The following MGRN1 variants were observed in gnomAD, a reference collection of about 807,000 sequenced individuals.
The protein encoded by MGRN1 is E3 ubiquitin-protein ligase MGRN1.
MGRN1 carries 29 observed loss-of-function variants against 69.2 expected under a neutral mutation model. That is an observed-to-expected ratio of 0.42 (90% CI 0.31 to 0.57). The LOEUF is 0.57. Among genes scored for constraint, MGRN1 ranks in the 20% least tolerant of loss-of-function variants. The pLI is 0.15. For synonymous variants in MGRN1, 470 were observed against 344.2 expected (o/e 1.37, Z -4.04); for missense variants, 998 against 796.2 (o/e 1.25, Z -3.05).
intron 1 of MGRN1, among the ~76,000 whole-genome samples, chr16:4,645,347 T>G (rs112436247): frequency 5.3e-5 from 8 of 152,152 alleles, no homozygotes; most frequent in African/African-American, 1.9e-4. Flanking sequence ...TTAAGAATTT[T>G]TTGTAGAGAC....
chr16:4,675,236 G>C (rs1448557162), intron 10 of MGRN1, among the ~76,000 whole-genome samples: 1 of 152,024 alleles, frequency 6.6e-6, no homozygotes, highest in Non-Finnish European at 1.5e-5. Flanking sequence ...GCCTCCCAAA[G>C]TGCTGGGATT....
chr16:4,659,268 C>T (rs1268475284), intron 5 of MGRN1: 1 of 152,342 alleles, frequency 6.6e-6, no homozygotes, highest in South Asian at 2.1e-4. Flanking sequence ...GGCGTGGACC[C>T]TGCACCCTGC....
At chr16:4,683,123 C>A in intron 14 of MGRN1, 101 bp from the exon 15 acceptor site, 1 of 1,527,174 alleles carries the variant, frequency 6.5e-7, no homozygotes, top group Non-Finnish European at 9.0e-7. Context: ...CCTGGTGGAG[C>A]GGCTGTGCGG....
chr16:4,638,910 T>G (rs1241858767), intron 1 of MGRN1, among the ~76,000 whole-genome samples: 2 of 152,132 alleles, frequency 1.3e-5, no homozygotes, highest in African/African-American at 4.8e-5. Flanking sequence ...CCTGGGCCGC[T>G]GTGTTTCTTA....
Position 4,668,761 on chromosome 16 carries a change from T to TTC in MGRN1, c.726+450_726+451dup, listed in dbSNP as rs2078869172. Among the ~76,000 whole-genome samples the TTC allele has an allele frequency of 5.3e-5, 6 of 112,656 alleles. No homozygotes were observed. The Middle Eastern group carries it at 0.022, about 405-fold the overall frequency. The allele number at this position is 112,656 out of a possible 152,430, so 73.9% of individuals were successfully genotyped here. A position where few individuals can be genotyped will look rare whatever the true frequency, so the allele number is the denominator to read the frequency against. Reference sequence around the variant, plus strand: ...ATACTGATACACACACATATACCCATTCACACACACATAGACATTCATACA... The same window carrying TTC: ...ATACTGATACACACACATATACCCATTCTCACACACACATAGACATTCATACA... On this transcript the variant is annotated intron_variant, in intron 8 of 16. Transcript: ENST00000262370.
intron 4 of MGRN1, among the ~76,000 whole-genome samples, chr16:4,653,987 G>A (rs1397261732): frequency 6.6e-6 from 1 of 152,118 alleles, no homozygotes; most frequent in East Asian, 1.9e-4. Context: ...CTCGACCTCA[G>A]GTGATCCACC....
intron 3 of MGRN1, among the ~76,000 whole-genome samples, chr16:4,652,474 G>A (rs992193797): frequency 5.3e-5 from 8 of 152,282 alleles, no homozygotes; most frequent in African/African-American, 1.9e-4. Flanking sequence ...CACGTACCCC[G>A]TCTTCTGTGG....
rs116339772 is a variant in MGRN1 at position 4,656,339 on chromosome 16, C to G, written c.444-907C>G. On this transcript the variant is annotated intron_variant, in intron 4 of 16. Transcript: ENST00000262370. ...TGAATCAGTAAAACCAAAGCGGGAC[C>G]TGTGTGGTGGTTCACAGGACACAGC... Among the ~76,000 whole-genome samples, 73 of 152,350 alleles carry G rather than the reference C, an allele frequency of 4.8e-4. 1 individual carries two copies. The highest frequency in any genetic ancestry group is 1.5e-3 in the African/African-American group (61 of 41,578).
At chr16:4,658,219 C>T (rs188246863) in intron 5 of MGRN1, among the ~76,000 whole-genome samples, 29 of 151,988 alleles carry the variant, frequency 1.9e-4, no homozygotes, top group African/African-American at 7.0e-4. Flanking sequence ...GACCCTGGTC[C>T]AGGGGGTTCC....
In MGRN1 at chr16:4,652,036, C is replaced by A. The variant is rs1473886878; in HGVS notation, c.281C>A (p.Ser94Tyr). The change falls in exon 3 of 17, where the codon TCC becomes TAC. Residue 94 changes from serine to tyrosine, a missense_variant. Transcript: ENST00000262370. Reference sequence around the variant, plus strand: ...AGCCTGGTGAACATCCGCAAAGACTCCCTGCGGCTGGTGAGGTAACTTCAC... The same window carrying A: ...AGCCTGGTGAACATCCGCAAAGACTACCTGCGGCTGGTGAGGTAACTTCAC... ...LRSLVNIRKD[S>Y]LRLVRYKDDA... 1 of 1,614,024 alleles carries A rather than the reference C, an allele frequency of 6.2e-7. No homozygotes were observed. Among genetic ancestry groups the A allele is most frequent in the Non-Finnish European group, 8.5e-7 (1 of 1,179,936 alleles).
rs62037133 is a variant in MGRN1 at position 4,648,304 on chromosome 16, C to T, written c.89-2061C>T. On this transcript the variant is annotated intron_variant, in intron 1 of 16. Coordinates refer to ENST00000262370, the MANE Select transcript of MGRN1 (RefSeq NM_015246.4). ...CCCGTGGTCACCCGGCTCCTCCTCC[C>T]GCGGGCTCTTCCCGTGGTCACCCGG... Among the ~76,000 whole-genome samples, 748 of 145,790 alleles carry T rather than the reference C, an allele frequency of 5.1e-3. 6 individuals are homozygous for T. Among genetic ancestry groups the T allele is most frequent in the Non-Finnish European group, 7.9e-3 (531 of 66,876 alleles).
chr16:4,657,476 A>G lies in MGRN1; in HGVS notation c.561+113A>G, dbSNP rs943070456. 20 of 1,052,798 alleles carry G rather than the reference A, an allele frequency of 1.9e-5. No homozygotes were observed. The African/African-American group carries it at 2.0e-4, about 11-fold the overall frequency. 65.2% of individuals were successfully genotyped at this position (1,052,798 alleles called of 1,614,324 possible). Reference sequence around the variant, plus strand: ...TTTGGCTTCCTCCAGGGTTCATAAGACCTGGGAACGGCCGCCCCAGTCTGT... The same window carrying G: ...TTTGGCTTCCTCCAGGGTTCATAAGGCCTGGGAACGGCCGCCCCAGTCTGT... On this transcript the variant is annotated intron_variant, in intron 5 of 16. Coordinates refer to ENST00000262370, the MANE Select transcript of MGRN1 (RefSeq NM_015246.4).
At chr16:4,626,148 C>T (rs1403134756) in intron 1 of MGRN1, among the ~76,000 whole-genome samples, 1 of 152,236 alleles carries the variant, frequency 6.6e-6, no homozygotes, top group Non-Finnish European at 1.5e-5. Context: ...TAAGGTGTGA[C>T]TAGGTGAGGG....
intron 1 of MGRN1, among the ~76,000 whole-genome samples, chr16:4,641,649 G>A (rs2078161308): frequency 6.6e-6 from 1 of 151,838 alleles, no homozygotes; most frequent in African/African-American, 2.4e-5. Flanking sequence ...CTCCTGAGTA[G>A]ATGGGATTAC....
At chr16:4,654,908 T>C (rs73516870) in intron 4 of MGRN1, among the ~76,000 whole-genome samples, 8,828 of 152,290 alleles carry the variant, frequency 0.058, 375 homozygotes, top group African/African-American at 0.11. Context: ...AGGAACAGGT[T>C]CCTTTTTCTA....
intron 2 of MGRN1, 92 bp downstream of exon 2, chr16:4,650,575 A>C: frequency 1.0e-6 from 1 of 999,788 alleles, no homozygotes; most frequent in Non-Finnish European, 1.5e-6. Context: ...GCAAGCAGGC[A>C]CCAAATCACC....
chr16:4,676,231 C>T (rs1596310877), intron 10 of MGRN1, among the ~76,000 whole-genome samples: 1 of 152,256 alleles, frequency 6.6e-6, no homozygotes, highest in East Asian at 1.9e-4. Context: ...AGGGCCGGCC[C>T]AGGCTGTCTG....
intron 11 of MGRN1, 40 bp from the exon 12 acceptor site, chr16:4,679,992 G>A (rs746957984): frequency 1.3e-6 from 2 of 1,597,308 alleles, no homozygotes; most frequent in Non-Finnish European, 8.6e-7. Context: ...GGGCCGCGTG[G>A]GGGTGGTAGT....
At chr16:4,680,400 C>T (rs984709125) in intron 12 of MGRN1, 5 of 366,188 alleles carry the variant, frequency 1.4e-5, no homozygotes, top group East Asian at 1.2e-4. Context: ...ACGTTGCAGG[C>T]GGAACTAACG....
Sources: allele counts gnomAD v4.1 joint callset (sites outside exome capture counted in the v4.1 genomes callset), GRCh38; gene constraint gnomAD v4.1.1; transcripts MANE v1.5; gene names NCBI Gene and HGNC (gene_info 2026-07-23, HGNC 2026-07-21).